TSPAN14: variants seen among roughly 807,000 people sequenced by gnomAD.
TSPAN14 encodes tetraspanin 14.
A neutral mutation model predicts 36.6 loss-of-function variants in TSPAN14; 16 were observed. That is an observed-to-expected ratio of 0.44 (90% CI 0.30 to 0.66). The LOEUF (loss-of-function observed/expected upper bound fraction) is 0.66, where lower values mean the gene tolerates loss of function less well. Among genes scored for constraint, TSPAN14 ranks in the 30% least tolerant of loss-of-function variants. The pLI is 0.12. For synonymous variants in TSPAN14, 139 were observed against 143.8 expected, an observed-to-expected ratio of 0.97 and a Z score of 0.24; for missense variants, 231 against 355.1, an observed-to-expected ratio of 0.65 and a Z score of 2.81.
intron 1 of TSPAN14, among the ~76,000 whole-genome samples, chr10:80,454,758 C>T (rs543144323): frequency 6.6e-6 from 1 of 152,206 alleles, no homozygotes; most frequent in Non-Finnish European, 1.5e-5. Flanking sequence ...GCTCGGGGCT[C>T]TGCTTCTCGT....
exon 9 of TSPAN14, chr10:80,521,818 G>A (rs1019978909): frequency 5.9e-5 from 9 of 151,710 alleles, no homozygotes; most frequent in Non-Finnish European, 1.0e-4. Context: ...CAGCTACTCC[G>A]GAGGCTGAGG....
chr10:80,518,088 C>T, exon 9 of TSPAN14: 1 of 1,086,766 alleles, frequency 9.2e-7, no homozygotes, highest in Non-Finnish European at 1.4e-6. Flanking sequence ...GCCAGTGCCC[C>T]ATCTTAAGCA....
chr10:80,469,936 C>G (rs1283269415), intron 1 of TSPAN14, among the ~76,000 whole-genome samples: 1 of 152,056 alleles, frequency 6.6e-6, no homozygotes, highest in Admixed American at 6.5e-5. Flanking sequence ...GTCCTGTCTC[C>G]AAGGGAGATT....
intron 1 of TSPAN14, among the ~76,000 whole-genome samples, chr10:80,477,088 C>G (rs890377227): frequency 6.6e-6 from 1 of 152,214 alleles, no homozygotes; most frequent in African/African-American, 2.4e-5. Context: ...CGCATGTGGC[C>G]CCTGTACTCA....
intron 1 of TSPAN14, among the ~76,000 whole-genome samples, chr10:80,484,257 T>C (rs1357469997): frequency 6.6e-6 from 1 of 152,004 alleles, no homozygotes; most frequent in East Asian, 1.9e-4. Flanking sequence ...AAAAAAAGTG[T>C]AAAATAGTAT....
intron 6 of TSPAN14, among the ~76,000 whole-genome samples, chr10:80,513,794 C>T (rs1840782569): frequency 1.3e-5 from 2 of 152,184 alleles, no homozygotes; most frequent in Non-Finnish European, 2.9e-5. Flanking sequence ...GCAACAAAAG[C>T]GGAATTGAGT....
rs540943677 is a variant in TSPAN14 at position 80,495,977 on chromosome 10, A to G, written c.81+6663A>G. ...TGGTTGTTCTGCCTCCTGTTGCTATAAATTAAACTCTTTGGTATCTGACTT... is the reference window on the plus strand; with the variant it reads ...TGGTTGTTCTGCCTCCTGTTGCTATGAATTAAACTCTTTGGTATCTGACTT... On this transcript the variant is annotated intron_variant, in intron 2 of 8. Coordinates refer to ENST00000429989, the Ensembl canonical transcript of TSPAN14. Among the ~76,000 whole-genome samples, 5 of 152,268 alleles carry G rather than the reference A, an allele frequency of 3.3e-5. No homozygotes were observed. In the South Asian group the frequency reaches 1.0e-3, roughly 32 times the overall value.
At position 80,509,233 on chromosome 10, in the gene TSPAN14, G is replaced by A; in HGVS notation, c.280-68G>A. The A allele has an allele frequency of 6.5e-7, 1 of 1,531,400 alleles. No homozygotes were observed. The highest frequency in any genetic ancestry group is 8.9e-7 in the Non-Finnish European group (1 of 1,124,260). The allele number at this position is 1,531,400 out of a possible 1,614,324, so 94.9% of individuals were successfully genotyped here. ...TGAGGATGGTGGTTCTGGGTCAGGT[G>A]GGGTTATGTGTGTGGGGGTGCAGGC... On this transcript the variant is annotated intron_variant, in intron 4 of 8. Transcript: ENST00000429989. The surrounding 1 kb of genome is among the most constrained non-coding windows in gnomAD (Gnocchi z 4.7).
chr10:80,482,659 C>T (rs562671933), intron 1 of TSPAN14, among the ~76,000 whole-genome samples: 1 of 149,614 alleles, frequency 6.7e-6, no homozygotes, highest in Admixed American at 6.6e-5. Flanking sequence ...AAATGTATTT[C>T]TTACTATGGG....
chr10:80,504,623 C>A, intron 2 of TSPAN14, 105 bp from the exon 3 acceptor site: 1 of 1,374,514 alleles, frequency 7.3e-7, no homozygotes, highest in Non-Finnish European at 1.0e-6. Flanking sequence ...GGGATGTGAG[C>A]TAGGAGCATG....
At chr10:80,492,150 A>T (rs1847953510) in intron 2 of TSPAN14, among the ~76,000 whole-genome samples, 1 of 152,176 alleles carries the variant, frequency 6.6e-6, no homozygotes, top group Non-Finnish European at 1.5e-5. Context: ...GAAAATGTAT[A>T]AAGTGGAATG....
chr10:80,512,043 G>A, intron 5 of TSPAN14, 101 bp from the exon 6 acceptor site: 6 of 1,556,930 alleles, frequency 3.9e-6, no homozygotes, highest in Non-Finnish European at 5.2e-6. Flanking sequence ...CATGGTAGAT[G>A]CCGGCAGACT....
intron 1 of TSPAN14, among the ~76,000 whole-genome samples, chr10:80,482,044 C>T (rs1472068839): frequency 1.3e-5 from 2 of 152,172 alleles, no homozygotes; most frequent in African/African-American, 2.4e-5. Flanking sequence ...TGAGCCACTG[C>T]GCTCAGCCTA....
Position 80,509,899 on chromosome 10 carries a change from C to T in TSPAN14, c.450+428C>T, listed in dbSNP as rs1840525683. Reference sequence around the variant, plus strand: ...CCCTTCCTCCCCGGGACCTTTTCCCCTTCCTCCCTGGGACCTTTTCCCCTT... The same window carrying T: ...CCCTTCCTCCCCGGGACCTTTTCCCTTTCCTCCCTGGGACCTTTTCCCCTT... On this transcript the variant is annotated intron_variant, in intron 5 of 8. Coordinates refer to ENST00000429989, the Ensembl canonical transcript of TSPAN14. The surrounding 1 kb of genome is among the most constrained non-coding windows in gnomAD (Gnocchi z 4.7). 6.1e-6 allele frequency: 1 copy of T among 163,000 alleles called. No individual in the cohort carries two copies. The highest frequency in any genetic ancestry group is 2.4e-5 in the African/African-American group (1 of 41,708). The allele number at this position is 163,000 out of a possible 1,614,324, so 10.1% of individuals were successfully genotyped here. A position where few individuals can be genotyped will look rare whatever the true frequency, so the allele number is the denominator to read the frequency against.
At chr10:80,457,339 C>T (rs1477657231) in intron 1 of TSPAN14, among the ~76,000 whole-genome samples, 1 of 151,934 alleles carries the variant, frequency 6.6e-6, no homozygotes, top group Non-Finnish European at 1.5e-5. Context: ...CAGGTGTGCA[C>T]CACCACACCC....
chr10:80,475,855 G>A (rs149548188), intron 1 of TSPAN14, among the ~76,000 whole-genome samples: 11,364 of 152,226 alleles, frequency 0.075, 482 homozygotes, highest in South Asian at 0.16. Flanking sequence ...AGAGTGCTGG[G>A]ATTACAGGCA....
At chr10:80,498,755 G>A (rs971929215) in intron 2 of TSPAN14, among the ~76,000 whole-genome samples, 1 of 152,214 alleles carries the variant, frequency 6.6e-6, no homozygotes, top group African/African-American at 2.4e-5. Flanking sequence ...CCTGGAGTAA[G>A]CATGTCACGT....
chr10:80,494,444 G>A (rs1848084767), intron 2 of TSPAN14, among the ~76,000 whole-genome samples: 1 of 152,172 alleles, frequency 6.6e-6, no homozygotes, highest in Admixed American at 6.5e-5. Context: ...TGCAAACCTG[G>A]GCATGTGGCC....
chr10:80,492,632 C>T (rs947727565), intron 2 of TSPAN14, among the ~76,000 whole-genome samples: 4 of 152,156 alleles, frequency 2.6e-5, no homozygotes, highest in East Asian at 1.9e-4. Flanking sequence ...CTGGCTAACA[C>T]GGTGAAACTC....
Sources: allele counts gnomAD v4.1 joint callset (sites outside exome capture counted in the v4.1 genomes callset), GRCh38; gene constraint gnomAD v4.1.1; non-coding constraint Gnocchi (gnomAD v3.1); transcripts MANE v1.5; gene names NCBI Gene and HGNC (gene_info 2026-07-23, HGNC 2026-07-21).